KIFAP3: variants seen among roughly 807,000 people sequenced by gnomAD.
The protein encoded by KIFAP3 is kinesin associated protein 3.
KIFAP3 carries 68 observed loss-of-function variants against 106.5 expected under a neutral mutation model. The observed-to-expected ratio is 0.64, with a 90% CI of 0.53 to 0.78. KIFAP3 has a LOEUF of 0.78. Ranked by LOEUF, KIFAP3 falls within the 30% of genes least tolerant of loss-of-function variation. The pLI is 0.00. For missense variants in KIFAP3, 780 were observed against 941.8 expected, an observed-to-expected ratio of 0.83 and a Z score of 2.25; for synonymous variants, 320 against 311.5, an observed-to-expected ratio of 1.03 and a Z score of -0.29.
At chr1:170,043,042 C>T (rs547384309) in intron 3 of KIFAP3, among the ~76,000 whole-genome samples, 1 of 152,318 alleles carries the variant, frequency 6.6e-6, no homozygotes, top group South Asian at 2.1e-4. Flanking sequence ...TCTCCAAATT[C>T]ACTGTAACTT....
At chr1:169,940,888 G>A (rs937442792) in intron 19 of KIFAP3, among the ~76,000 whole-genome samples, 25 of 151,774 alleles carry the variant, frequency 1.6e-4, no homozygotes, top group African/African-American at 3.4e-4. Context: ...ATTCTTTTGA[G>A]CAGTTGCACT....
At chr1:169,938,604 T>C (rs190487515) in intron 19 of KIFAP3, among the ~76,000 whole-genome samples, 2 of 152,250 alleles carry the variant, frequency 1.3e-5, no homozygotes, top group African/African-American at 2.4e-5. Context: ...CAAACGTCTA[T>C]TGAGAACCTA....
intron 19 of KIFAP3, among the ~76,000 whole-genome samples, chr1:169,932,459 G>C (rs1663545219): frequency 6.6e-6 from 1 of 152,024 alleles, no homozygotes; most frequent in South Asian, 2.1e-4. Context: ...ATCTTAAAGT[G>C]ATAATGCACT....
intron 3 of KIFAP3, chr1:170,041,884 G>T: frequency 7.3e-7 from 1 of 1,363,372 alleles, no homozygotes; most frequent in South Asian, 1.9e-5. Flanking sequence ...CCAACTGGAA[G>T]GAGAATAAAG....
chr1:169,999,348 G>A (rs1558233252), intron 10 of KIFAP3, among the ~76,000 whole-genome samples: 1 of 152,082 alleles, frequency 6.6e-6, no homozygotes, highest in Non-Finnish European at 1.5e-5. Context: ...TCCTACAAAT[G>A]GTAGACATTT....
chr1:169,943,385 C>A (rs1257863561), intron 19 of KIFAP3, among the ~76,000 whole-genome samples: 4 of 151,990 alleles, frequency 2.6e-5, no homozygotes, highest in African/African-American at 9.7e-5. Context: ...TTAAATCAAT[C>A]AAGACAACAA....
At chr1:169,940,246 T>C (rs955558771) in intron 19 of KIFAP3, among the ~76,000 whole-genome samples, 2 of 152,212 alleles carry the variant, frequency 1.3e-5, no homozygotes, top group African/African-American at 4.8e-5. Context: ...GTTTTCTTAA[T>C]AATAGTGTCT....
At position 170,042,758 on chromosome 1, in the gene KIFAP3, C is replaced by T. The variant is rs115905349; in HGVS notation, c.320-3470G>A. On this transcript the variant is annotated intron_variant, in intron 3 of 19. Coordinates refer to ENST00000361580, the MANE Select transcript of KIFAP3 (RefSeq NM_014970.4). ...TCATTTTGTTCTTCTTCTACATTGG[C>T]TACCTTCTTGGAGACCACAGGTTGC... is the stretch of plus-strand genomic sequence containing the variant. Among the ~76,000 whole-genome samples, 1,139 of 152,266 alleles carry T rather than the reference C, an allele frequency of 7.5e-3. 11 individuals carry two copies. The highest frequency in any genetic ancestry group is 0.026 in the South Asian group (126 of 4,818).
chr1:169,949,303 T>A (rs1558188179), intron 19 of KIFAP3, among the ~76,000 whole-genome samples: 1 of 152,202 alleles, frequency 6.6e-6, no homozygotes, highest in Admixed American at 6.5e-5. Flanking sequence ...ATGGCTCAGA[T>A]AATGCATACA....
intron 19 of KIFAP3, among the ~76,000 whole-genome samples, chr1:169,938,247 G>T (rs769365765): frequency 6.6e-6 from 1 of 151,856 alleles, no homozygotes; most frequent in Non-Finnish European, 1.5e-5. Context: ...CCCTTAACTG[G>T]ATCTTAATTA....
intron 19 of KIFAP3, among the ~76,000 whole-genome samples, chr1:169,933,327 C>T (rs535381526): frequency 5.0e-4 from 76 of 152,032 alleles, no homozygotes; most frequent in Non-Finnish European, 9.7e-4. Context: ...TCTCAGAATA[C>T]TGTATAATAT....
chr1:170,052,176 T>C (rs149797604), intron 2 of KIFAP3, among the ~76,000 whole-genome samples: 2,723 of 152,030 alleles, frequency 0.018, 78 homozygotes, highest in African/African-American at 0.062. Flanking sequence ...CCCACAGAAA[T>C]ACAAACTACC....
intron 19 of KIFAP3, among the ~76,000 whole-genome samples, chr1:169,940,851 A>G (rs1343660551): frequency 1.3e-5 from 2 of 152,042 alleles, no homozygotes; most frequent in African/African-American, 4.8e-5. Flanking sequence ...TTAAAACTCT[A>G]CTGGACTGTT....
intron 9 of KIFAP3, among the ~76,000 whole-genome samples, chr1:170,019,569 C>T (rs573754657): frequency 2.3e-4 from 35 of 152,042 alleles, no homozygotes; most frequent in Admixed American, 1.1e-3. Context: ...TAGACTGTTG[C>T]GAATATGCGA....
At chr1:170,061,337 CA>C (rs1395565324) in intron 1 of KIFAP3, among the ~76,000 whole-genome samples, 1 of 152,118 alleles carries the variant, frequency 6.6e-6, no homozygotes, top group Non-Finnish European at 1.5e-5. Flanking sequence ...ACAACCCCAT[CA>C]AAAAGTGGGT....
At chr1:170,078,124 C>G (rs1671953814), upstream of KIFAP3, among the ~76,000 whole-genome samples, 1 of 152,084 alleles carries the variant, frequency 6.6e-6, no homozygotes, top group African/African-American at 2.4e-5. Context: ...AACCACCAAA[C>G]TGTTTTCCAA....
At chr1:170,074,749 C>T, upstream of KIFAP3, 7 of 1,322,932 alleles carry the variant, frequency 5.3e-6, no homozygotes, top group South Asian at 1.0e-4. Context: ...TATGCGCAGG[C>T]TCAGTCTGAG....
At chr1:169,976,988 G>T (rs1666246866) in intron 16 of KIFAP3, among the ~76,000 whole-genome samples, 1 of 151,934 alleles carries the variant, frequency 6.6e-6, no homozygotes, top group Admixed American at 6.6e-5. Flanking sequence ...GGTTCCCAAA[G>T]TGCTGGGATT....
chr1:169,987,078 T>G (rs1270709103), intron 11 of KIFAP3, among the ~76,000 whole-genome samples: 2 of 152,114 alleles, frequency 1.3e-5, no homozygotes, highest in Non-Finnish European at 2.9e-5. Context: ...ATTTCAATTT[T>G]AATTAAAGCT....
Sources: allele counts gnomAD v4.1 joint callset (sites outside exome capture counted in the v4.1 genomes callset), GRCh38; gene constraint gnomAD v4.1.1; transcripts MANE v1.5; gene names NCBI Gene and HGNC (gene_info 2026-07-23, HGNC 2026-07-21).